The following PPM1H variants were observed in gnomAD, a reference collection of about 807,000 sequenced individuals.
PPM1H encodes the protein protein phosphatase, Mg2+/Mn2+ dependent 1H.
Under a neutral mutation model 54.9 loss-of-function variants are expected in PPM1H, and 27 were observed. That is an observed-to-expected ratio of 0.49 (90% CI 0.36 to 0.68). The LOEUF is 0.68. Among genes scored for constraint, PPM1H ranks in the 30% least tolerant of loss-of-function variants. PPM1H has a pLI of 0.00. For missense variants in PPM1H, 596 were observed against 667.8 expected (o/e 0.89, Z 1.19); for synonymous variants, 305 against 270.8 (o/e 1.13, Z -1.24).
intron 6 of PPM1H, among the ~76,000 whole-genome samples, chr12:62,699,094 A>G (rs915294732): frequency 6.6e-5 from 10 of 152,348 alleles, no homozygotes; most frequent in African/African-American, 2.4e-4. Context: ...GGGTGGCAAC[A>G]TTTCAGGCAT....
intron 1 of PPM1H, among the ~76,000 whole-genome samples, chr12:62,889,053 C>G (rs746243939): frequency 1.3e-5 from 2 of 152,156 alleles, no homozygotes; most frequent in Non-Finnish European, 2.9e-5. Context: ...AACTGTGGCC[C>G]AAACTGATTA....
chr12:62,811,616 C>T (rs1286729105), intron 2 of PPM1H, among the ~76,000 whole-genome samples: 3 of 152,132 alleles, frequency 2.0e-5, no homozygotes, highest in Non-Finnish European at 2.9e-5. Flanking sequence ...GGGACCCTGT[C>T]GGAGGTCATT....
chr12:62,792,018 G>T (rs930344223), intron 3 of PPM1H, among the ~76,000 whole-genome samples: 1 of 152,172 alleles, frequency 6.6e-6, no homozygotes, highest in East Asian at 1.9e-4. Flanking sequence ...CAAACCACTA[G>T]TATGATCCAA....
intron 6 of PPM1H, among the ~76,000 whole-genome samples, chr12:62,710,917 T>C (rs2076203917): frequency 6.6e-6 from 1 of 152,246 alleles, no homozygotes; most frequent in African/African-American, 2.4e-5. Flanking sequence ...TAGAAACTCA[T>C]CACGCGCTAT....
In PPM1H at chr12:62,644,712, A is replaced by G. The variant is rs796297537; in HGVS notation, c.*3777T>C. The G allele has an allele frequency of 3.3e-5, 5 of 152,348 alleles. No homozygotes were observed. Among genetic ancestry groups the G allele is most frequent in the African/African-American group, 1.2e-4 (5 of 41,560 alleles). The allele number at this position is 152,348 out of a possible 1,614,324, so 9.4% of individuals were successfully genotyped here. On this transcript the variant is annotated 3_prime_UTR_variant, in exon 10 of 10. Coordinates refer to ENST00000228705, the MANE Select transcript of PPM1H (RefSeq NM_020700.2). Reference sequence around the variant, plus strand: ...CCACACAAAACCAAAGTCTGCTCAGAGAGGTGGGCTATGGTGTGCAGGCTG... The same window carrying G: ...CCACACAAAACCAAAGTCTGCTCAGGGAGGTGGGCTATGGTGTGCAGGCTG...
At chr12:62,671,575 A>C (rs2075957059) in intron 8 of PPM1H, among the ~76,000 whole-genome samples, 1 of 152,244 alleles carries the variant, frequency 6.6e-6, no homozygotes, top group South Asian at 2.1e-4. Flanking sequence ...ATAGACACCC[A>C]AATAAATTAC....
intron 4 of PPM1H, among the ~76,000 whole-genome samples, chr12:62,756,385 A>G (rs2120593962): frequency 6.6e-6 from 1 of 152,206 alleles, no homozygotes; most frequent in Non-Finnish European, 1.5e-5. Flanking sequence ...AGGGGCCTAG[A>G]GAGCCCCACC....
intron 6 of PPM1H, among the ~76,000 whole-genome samples, chr12:62,715,977 C>T (rs537743211): frequency 3.6e-4 from 54 of 152,042 alleles, no homozygotes; most frequent in Non-Finnish European, 6.9e-4. Context: ...CACCGAAGCT[C>T]GAAACTGAAT....
intron 1 of PPM1H, among the ~76,000 whole-genome samples, chr12:62,890,787 C>T (rs1314624206): frequency 6.7e-6 from 1 of 149,512 alleles, no homozygotes; most frequent in Non-Finnish European, 1.5e-5. Flanking sequence ...AGCAAGAAAA[C>T]ATGTCTAACA....
chr12:62,661,626 G>T (rs2075884041), intron 9 of PPM1H, among the ~76,000 whole-genome samples: 1 of 152,246 alleles, frequency 6.6e-6, no homozygotes, highest in African/African-American at 2.4e-5. Context: ...TGAACTCTTG[G>T]CCTCAAGGGA....
chr12:62,829,497 A>T (rs1868327794), intron 2 of PPM1H, among the ~76,000 whole-genome samples: 1 of 152,230 alleles, frequency 6.6e-6, no homozygotes, highest in South Asian at 2.1e-4. Context: ...GGTAAATTTT[A>T]TGTTATGTAC....
At chr12:62,695,977 G>C (rs2076113071) in intron 6 of PPM1H, among the ~76,000 whole-genome samples, 1 of 152,162 alleles carries the variant, frequency 6.6e-6, no homozygotes, top group Non-Finnish European at 1.5e-5. Context: ...CCAGGCACAG[G>C]AGGAGCCTGG....
intron 1 of PPM1H, among the ~76,000 whole-genome samples, chr12:62,852,324 G>A (rs1869225542): frequency 6.6e-6 from 1 of 150,504 alleles, no homozygotes; most frequent in Admixed American, 6.6e-5. Context: ...GCCTTTATAA[G>A]AGAAACCCCT....
chr12:62,891,737 C>T (rs894345235), intron 1 of PPM1H, among the ~76,000 whole-genome samples: 10 of 152,136 alleles, frequency 6.6e-5, no homozygotes, highest in East Asian at 1.9e-4. Context: ...TAGCAGTTGT[C>T]GAGTCTTGCC....
At chr12:62,718,674 A>G (rs941899163) in intron 6 of PPM1H, among the ~76,000 whole-genome samples, 2 of 152,144 alleles carry the variant, frequency 1.3e-5, no homozygotes, top group African/African-American at 4.8e-5. Flanking sequence ...CCATCTTTCC[A>G]AACTCTACAG....
intron 6 of PPM1H, among the ~76,000 whole-genome samples, chr12:62,710,362 T>C (rs139113357): frequency 0.077 from 11,668 of 151,716 alleles, 518 homozygotes; most frequent in Non-Finnish European, 0.097. Context: ...TGAAACCTTG[T>C]CTCTACTAAA....
At chr12:62,718,099 T>G (rs1181869283) in intron 6 of PPM1H, among the ~76,000 whole-genome samples, 2 of 152,192 alleles carry the variant, frequency 1.3e-5, no homozygotes, top group Non-Finnish European at 1.5e-5. Flanking sequence ...CAATTATACC[T>G]CCTTTATTCC....
chr12:62,702,325 G>A (rs1056790145), intron 6 of PPM1H, among the ~76,000 whole-genome samples: 1 of 152,132 alleles, frequency 6.6e-6, no homozygotes, highest in African/African-American at 2.4e-5. Context: ...ATTCACCAGT[G>A]TATATGGTGT....
chr12:62,863,113 T>A (rs1347764087), intron 1 of PPM1H, among the ~76,000 whole-genome samples: 1 of 152,086 alleles, frequency 6.6e-6, no homozygotes, highest in East Asian at 1.9e-4. Flanking sequence ...CTCCACCTCC[T>A]GGGCCCAAGT....
Sources: gnomAD v4.1 joint callset for allele counts (sites outside exome capture counted in the v4.1 genomes callset) on GRCh38, gnomAD v4.1.1 for gene constraint, MANE v1.5 for transcripts, NCBI Gene and HGNC (gene_info 2026-07-23, HGNC 2026-07-21) for gene names.